The following SLC18B1 variants were observed in gnomAD, a reference collection of about 807,000 sequenced individuals.
SLC18B1 encodes the protein MFS-type transporter SLC18B1.
In SLC18B1, 62 loss-of-function variants were observed where a neutral mutation model predicts 53.9. That is an observed-to-expected ratio of 1.15 (90% confidence interval 0.94 to 1.42). SLC18B1 has a LOEUF of 1.42. SLC18B1 is among the 40% of genes most tolerant of loss of function. The probability of loss-of-function intolerance (pLI) is 0.00; values close to 1 mark genes in which losing one functional copy is unlikely to be tolerated. For synonymous variants in SLC18B1, 217 were observed against 200.9 expected, an observed-to-expected ratio of 1.08 and a Z score of -0.68; for missense variants, 598 against 547.3, an observed-to-expected ratio of 1.09 and a Z score of -0.93.
intron 8 of SLC18B1, 61 bp downstream of exon 8, chr6:132,776,267 G>T: frequency 7.6e-7 from 1 of 1,322,582 alleles, no homozygotes; most frequent in Non-Finnish European, 1.1e-6. Flanking sequence ...CAAAGGAACA[G>T]TTGGAAAACC....
At chr6:132,797,579 CAGAG>C (rs1168703025) in intron 1 of SLC18B1, among the ~76,000 whole-genome samples, 1 of 152,052 alleles carries the variant, frequency 6.6e-6, no homozygotes, top group East Asian at 1.9e-4. Context: ...GCCTGGGCTA[CAGAG>C]AGAGACTCCG....
Position 132,772,216 on chromosome 6 carries a change from G to T in SLC18B1, c.1086-10C>A. 6.5e-7 allele frequency: 1 copy of T among 1,538,200 alleles called. No homozygotes were observed. Among genetic ancestry groups the T allele is most frequent in the South Asian group, 1.3e-5 (1 of 78,744 alleles). On this transcript the variant is annotated splice_polypyrimidine_tract_variant and intron_variant, in intron 10 of 13. Transcript: ENST00000275227. ...TTCAAACCCATTTTCACTGCAAAAA[G>T]AGACATGAGTGTATCCATTATTAAA... is the stretch of plus-strand genomic sequence containing the variant.
At chr6:132,785,118 A>T (rs1311534198) in intron 5 of SLC18B1, among the ~76,000 whole-genome samples, 1 of 143,004 alleles carries the variant, frequency 7.0e-6, no homozygotes, top group East Asian at 2.1e-4. Flanking sequence ...TCTCTCTCTC[A>T]GTGTGTGTGT....
Position 132,798,371 on chromosome 6 carries a change from C to G in SLC18B1, c.43+43G>C, listed in dbSNP as rs777157502. 3.8e-5 allele frequency: 57 copies of G among 1,501,764 alleles called. 1 individual carries two copies. The Middle Eastern group carries it at 1.0e-3, about 28-fold the overall frequency. 93.0% of individuals were successfully genotyped at this position (1,501,764 alleles called of 1,614,324 possible). The stretch of plus-strand genomic sequence containing the variant: ...GTTGCTAAAGAGACACGCCGGAAGC[C>G]GCCGCTGGTCTCCGGGCTCCCGGCC... On this transcript the variant is annotated intron_variant, in intron 1 of 13. Coordinates refer to ENST00000275227, the MANE Select transcript of SLC18B1 (RefSeq NM_052831.3).
intron 6 of SLC18B1, 46 bp downstream of exon 6, chr6:132,783,887 A>C: frequency 7.2e-7 from 1 of 1,396,866 alleles, no homozygotes; most frequent in Admixed American, 2.7e-5. Flanking sequence ...CAAAGGTATA[A>C]AAATATATTT....
intron 8 of SLC18B1, among the ~76,000 whole-genome samples, chr6:132,774,850 G>A (rs1781061911): frequency 6.6e-6 from 1 of 152,034 alleles, no homozygotes; most frequent in African/African-American, 2.4e-5. Context: ...GGCGGAGGTT[G>A]CAGTGAGCCA....
chr6:132,790,418 G>T, intron 2 of SLC18B1, 146 bp from the exon 3 acceptor site: 1 of 528,122 alleles, frequency 1.9e-6, no homozygotes, highest in Non-Finnish European at 3.2e-6. Flanking sequence ...AATAAATGGG[G>T]TGGGGAAGGA....
Position 132,795,922 on chromosome 6 carries a change from CGG to C in SLC18B1, c.183+1058_183+1059del, listed in dbSNP as rs1216084088. Among the ~76,000 whole-genome samples the C allele has an allele frequency of 4.6e-5, 7 of 152,184 alleles. No homozygotes were observed. The East Asian group carries it at 1.2e-3, about 25-fold the overall frequency. Reference sequence around the variant, plus strand: ...TAAAGTCAAAAGAGGGAATATGGAGCGGGGCCGGGGCTGGGCGTGGTGGCTCA... The same window carrying C: ...TAAAGTCAAAAGAGGGAATATGGAGCGGCCGGGGCTGGGCGTGGTGGCTCA... On this transcript the variant is annotated intron_variant, in intron 2 of 13. Coordinates refer to ENST00000275227, the MANE Select transcript of SLC18B1 (RefSeq NM_052831.3).
intron 2 of SLC18B1, among the ~76,000 whole-genome samples, chr6:132,792,322 A>C (rs1334760162): frequency 4.8e-4 from 60 of 124,740 alleles, no homozygotes; most frequent in African/African-American, 2.1e-3. Flanking sequence ...GAAGGAAGGA[A>C]GGAAGGAAGG....
At chr6:132,773,616 G>A (rs953179100) in intron 9 of SLC18B1, among the ~76,000 whole-genome samples, 5 of 152,158 alleles carry the variant, frequency 3.3e-5, no homozygotes, top group South Asian at 2.1e-4. Context: ...TGAGAAAACC[G>A]AGGCTCTTGG....
At chr6:132,779,833 C>T (rs1458484501) in intron 6 of SLC18B1, among the ~76,000 whole-genome samples, 1 of 152,158 alleles carries the variant, frequency 6.6e-6, no homozygotes, top group Non-Finnish European at 1.5e-5. Flanking sequence ...GGAAGCCTCA[C>T]AATCATGGTG....
chr6:132,794,586 C>T (rs1055664414), intron 2 of SLC18B1, among the ~76,000 whole-genome samples: 1 of 152,138 alleles, frequency 6.6e-6, no homozygotes, highest in African/African-American at 2.4e-5. Flanking sequence ...CAGGCTCAAG[C>T]CACATCAAGA....
chr6:132,788,665 G>A (rs1044769003), intron 4 of SLC18B1, among the ~76,000 whole-genome samples: 6 of 151,722 alleles, frequency 4.0e-5, no homozygotes, highest in Non-Finnish European at 7.4e-5. Flanking sequence ...TACTAAAAAA[G>A]TGCAAAAATT....
chr6:132,780,194 G>T (rs1056547405), intron 6 of SLC18B1, among the ~76,000 whole-genome samples: 1 of 151,582 alleles, frequency 6.6e-6, no homozygotes, highest in Non-Finnish European at 1.5e-5. Context: ...CAACTCCTGC[G>T]TGCTCAAGTG....
At chr6:132,784,157 T>A in intron 5 of SLC18B1, 68 bp from the exon 6 acceptor site, 2 of 1,307,538 alleles carry the variant, frequency 1.5e-6, no homozygotes, top group Non-Finnish European at 2.0e-6. Context: ...GTACTATCTT[T>A]AAAAAAATTT....
In SLC18B1 at chr6:132,780,825, G is replaced by A. The variant is rs575823924; in HGVS notation, c.659-1421C>T. ...TCCACCTGCCTTGGCCTCCCAAAGT[G>A]CTGAGATTACAGGCATGAGCCACCA... On this transcript the variant is annotated intron_variant, in intron 6 of 13. Coordinates refer to ENST00000275227, the MANE Select transcript of SLC18B1 (RefSeq NM_052831.3). Among the ~76,000 whole-genome samples the A allele has an allele frequency of 2.0e-5, 3 of 152,194 alleles. No homozygotes were observed. In the South Asian group the frequency reaches 6.2e-4, roughly 32 times the overall value.
chr6:132,797,955 C>T (rs555384656), intron 1 of SLC18B1, among the ~76,000 whole-genome samples: 2 of 151,962 alleles, frequency 1.3e-5, no homozygotes, highest in South Asian at 2.1e-4. Flanking sequence ...AAGAGAAATA[C>T]ATTTGCTTTG....
At chr6:132,773,121 A>G (rs772072358) in intron 9 of SLC18B1, 33 bp from the exon 10 acceptor site, 1 of 1,479,790 alleles carries the variant, frequency 6.8e-7, no homozygotes, top group Non-Finnish European at 9.4e-7. Flanking sequence ...ACAAATACAA[A>G]AAGAAAAACA....
intron 4 of SLC18B1, among the ~76,000 whole-genome samples, chr6:132,788,191 A>T (rs767362046): frequency 6.6e-6 from 1 of 151,800 alleles, no homozygotes; most frequent in Non-Finnish European, 1.5e-5. Context: ...AAAAAAAAGA[A>T]AAAGAAAACA....
Sources: allele counts gnomAD v4.1 joint callset (sites outside exome capture counted in the v4.1 genomes callset), GRCh38; gene constraint gnomAD v4.1.1; transcripts MANE v1.5; gene names NCBI Gene and HGNC (gene_info 2026-07-23, HGNC 2026-07-21).